The following TMPRSS3 variants were observed in gnomAD, a reference collection of about 807,000 sequenced individuals.
TMPRSS3 encodes the protein transmembrane serine protease 3, also known as transmembrane protease serine 3.
Under a neutral mutation model 59.6 loss-of-function variants are expected in TMPRSS3, and 55 were observed. The observed-to-expected ratio is 0.92, with a 90% CI of 0.74 to 1.16. The LOEUF is 1.16. TMPRSS3 is among the 50% of genes most tolerant of loss of function. TMPRSS3 has a pLI of 0.00. For synonymous variants in TMPRSS3, 257 were observed against 237.7 expected (o/e 1.08, Z -0.75); for missense variants, 596 against 579.4 (o/e 1.03, Z -0.29).
chr21:42,381,775 T>G, intron 9 of TMPRSS3: 2 of 545,438 alleles, frequency 3.7e-6, no homozygotes, highest in Non-Finnish European at 6.6e-6. Context: ...AAACTACATT[T>G]AAACAGGGTA....
In TMPRSS3 at chr21:42,373,099, A is replaced by G. The variant is rs912556157; in HGVS notation, c.1345-320T>C. The stretch of plus-strand genomic sequence containing the variant: ...ACAACAATTTTGTTTTAAACCCCCA[A>G]CTAGATAGAGAAAAGTGCTGGATGA... On this transcript the variant is annotated intron_variant, in intron 12 of 12. Coordinates refer to ENST00000644384, the MANE Select transcript of TMPRSS3 (RefSeq NM_001256317.3). 7.9e-5 allele frequency among the ~76,000 whole-genome samples: 12 copies of G among 152,122 alleles called. No homozygotes were observed. In the East Asian group the frequency reaches 2.1e-3, roughly 27 times the overall value.
In TMPRSS3 at chr21:42,385,585, AGCATTCAACCGATGT is replaced by A. The variant is rs1253566172; in HGVS notation, c.447-66_447-52del. On this transcript the variant is annotated intron_variant, in intron 5 of 12. Transcript: ENST00000644384. ...CCGACGTGGTAACTTTACACTTTGA[AGCATTCAACCGATGT>A]GCGAGTCACAATATTACAGGGATTG... The A allele has an allele frequency of 2.5e-6, 4 of 1,609,676 alleles. No individual in the cohort carries two copies. In the African/African-American group the frequency reaches 5.4e-5, roughly 22 times the overall value.
chr21:42,382,499 T>A (rs892257676), intron 8 of TMPRSS3: 16 of 522,042 alleles, frequency 3.1e-5, no homozygotes, highest in African/African-American at 3.1e-4. Flanking sequence ...TCAACATTGG[T>A]CACTGCAAGG....
At chr21:42,390,070 A>G (rs1289773188) in intron 2 of TMPRSS3, 33 bp from the exon 3 acceptor site, 2 of 1,496,926 alleles carry the variant, frequency 1.3e-6, no homozygotes, top group Admixed American at 1.7e-5. Flanking sequence ...GCAGAAAGCC[A>G]CAGAACCTGA....
chr21:42,373,392 G>A (rs1389394616), intron 12 of TMPRSS3, among the ~76,000 whole-genome samples: 1 of 152,220 alleles, frequency 6.6e-6, no homozygotes, highest in East Asian at 1.9e-4. Flanking sequence ...TGACTAAGGC[G>A]TTGTGCAGGG....
intron 12 of TMPRSS3, among the ~76,000 whole-genome samples, chr21:42,373,908 C>A (rs904482091): frequency 2.0e-5 from 3 of 152,162 alleles, no homozygotes; most frequent in Admixed American, 1.3e-4. Flanking sequence ...GAAGACACGG[C>A]GGTGGGCTTC....
In TMPRSS3 at chr21:42,376,563, G is replaced by T. The variant is rs145766262; in HGVS notation, c.1169C>A (p.Thr390Lys). Residue 390 changes from threonine to lysine, a missense_variant, in exon 11 of 13, where the codon ACG (threonine) becomes AAG (lysine). Coordinates refer to ENST00000644384, the MANE Select transcript of TMPRSS3 (RefSeq NM_001256317.3). Reference protein sequence around the residue: ...SPSMLCAGYLTGGVDSCQGDS... With the variant: ...SPSMLCAGYLKGGVDSCQGDS... ...TACCTGGCAGCTGTCCACGCCACCC[G>T]TCAGGTAGCCCGCGCAGAGCATGGA... The T allele has an allele frequency of 6.2e-7, 1 of 1,613,584 alleles. No homozygotes were observed. Among genetic ancestry groups the T allele is most frequent in the Non-Finnish European group, 8.5e-7 (1 of 1,179,974 alleles).
At chr21:42,390,674 G>A (rs113163435) in intron 2 of TMPRSS3, among the ~76,000 whole-genome samples, 9,607 of 152,234 alleles carry the variant, frequency 0.063, 417 homozygotes, top group South Asian at 0.17. Flanking sequence ...GTGGCAGTGA[G>A]CTGAGATCGC....
chr21:42,373,821 C>T (rs1432383662), intron 12 of TMPRSS3, among the ~76,000 whole-genome samples: 1 of 152,154 alleles, frequency 6.6e-6, no homozygotes, highest in Non-Finnish European at 1.5e-5. Flanking sequence ...GCTGAGGTGG[C>T]CCCGTCATGG....
At chr21:42,388,000 G>A (rs76301710) in intron 5 of TMPRSS3, among the ~76,000 whole-genome samples, 6,180 of 152,334 alleles carry the variant, frequency 0.041, 416 homozygotes, top group African/African-American at 0.14. Context: ...GGTTCTTGGG[G>A]AAGCGTGCAT....
At chr21:42,393,441 A>G (rs1465560419) in intron 2 of TMPRSS3, among the ~76,000 whole-genome samples, 7 of 152,198 alleles carry the variant, frequency 4.6e-5, no homozygotes, top group Admixed American at 4.6e-4. Context: ...AAAACAGATG[A>G]AAGTTTTGAC....
At chr21:42,387,402 C>T (rs1278905364) in intron 5 of TMPRSS3, among the ~76,000 whole-genome samples, 5 of 92,312 alleles carry the variant, frequency 5.4e-5, no homozygotes, top group Admixed American at 2.0e-4. Context: ...GTGTGTACCT[C>T]TTCCTCCTTG....
At chr21:42,383,660 C>G (rs1188918149) in intron 7 of TMPRSS3, 20 of 603,092 alleles carry the variant, frequency 3.3e-5, no homozygotes, top group South Asian at 1.1e-4. Context: ...GGGCACTGTG[C>G]ACGTGTAAGG....
In TMPRSS3 at chr21:42,379,087, A is replaced by G. The variant is rs8130801; in HGVS notation, c.1048+1030T>C. Among the ~76,000 whole-genome samples the G allele has an allele frequency of 5.3e-3, 803 of 150,484 alleles. 3 individuals carry two copies. The highest frequency in any genetic ancestry group is 8.5e-3 in the Non-Finnish European group (571 of 67,562). On this transcript the variant is annotated intron_variant, in intron 10 of 12. Transcript: ENST00000644384. ...TTTAGTAGAGACAGGGTCTCACCAC[A>G]TTGGCCAAGCTGGTCTCAAACTCCT...
chr21:42,383,764 C>T (rs1407531674), intron 7 of TMPRSS3: 1 of 715,878 alleles, frequency 1.4e-6, no homozygotes, highest in Middle Eastern at 2.3e-4. Flanking sequence ...GTTGCTCTGG[C>T]TGTCTCCCCC....
Position 42,383,016 on chromosome 21 carries a change from T to G in TMPRSS3, c.782+17A>C. On this transcript the variant is annotated intron_variant, in intron 8 of 12. Coordinates refer to ENST00000644384, the MANE Select transcript of TMPRSS3 (RefSeq NM_001256317.3). The stretch of plus-strand genomic sequence containing the variant: ...AGGAGTGAACAGGGGTCTGGGAAGA[T>G]GGTCAGCAGCACTCACTCATAAACA... 1 of 1,613,788 alleles carries G rather than the reference T, an allele frequency of 6.2e-7. No individual in the cohort carries two copies. The highest frequency in any genetic ancestry group is 1.7e-5 in the Admixed American group (1 of 60,028).
In TMPRSS3 at chr21:42,372,556, T is replaced by C. The variant is rs225309; in HGVS notation, c.*206A>G. On this transcript the variant is annotated 3_prime_UTR_variant, in exon 13 of 13. Coordinates refer to ENST00000644384, the MANE Select transcript of TMPRSS3 (RefSeq NM_001256317.3). ...GCCTGGGCAACAGAGCGAGACTCCATCTCAAAAAAACAAAAAACAAAAAGC... is the reference window on the plus strand; with the variant it reads ...GCCTGGGCAACAGAGCGAGACTCCACCTCAAAAAAACAAAAAACAAAAAGC... 0.39 allele frequency: 274,164 copies of C among 700,476 alleles called. 59,544 individuals are homozygous for C. Among genetic ancestry groups the C allele is most frequent in the Non-Finnish European group, 0.46 (173,539 of 380,208 alleles). 43.4% of individuals were successfully genotyped at this position (700,476 alleles called of 1,614,324 possible). A position where few individuals can be genotyped will look rare whatever the true frequency, so the allele number is the denominator to read the frequency against.
At chr21:42,375,527 G>A (rs1299408476) in intron 12 of TMPRSS3, among the ~76,000 whole-genome samples, 189 bp downstream of exon 12, 1 of 152,052 alleles carries the variant, frequency 6.6e-6, no homozygotes, top group Non-Finnish European at 1.5e-5. Flanking sequence ...ACCCAGAGCT[G>A]CCCAGGACTA....
chr21:42,394,385 A>G (rs764121018), intron 2 of TMPRSS3, among the ~76,000 whole-genome samples: 4 of 152,216 alleles, frequency 2.6e-5, no homozygotes, highest in Non-Finnish European at 2.9e-5. Flanking sequence ...CCACCTGCCT[A>G]TATCTGTACT....
Sources: allele counts gnomAD v4.1 joint callset (sites outside exome capture counted in the v4.1 genomes callset), GRCh38; gene constraint gnomAD v4.1.1; transcripts MANE v1.5; gene names NCBI Gene and HGNC (gene_info 2026-07-23, HGNC 2026-07-21).